Variants in IGSF11 observed in about 807,000 individuals in gnomAD.
The protein encoded by IGSF11 is immunoglobulin superfamily member 11.
IGSF11 carries 22 observed loss-of-function variants against 41.0 expected under a neutral mutation model. The ratio of observed to expected loss-of-function variants is 0.54; its 90% CI spans 0.38 to 0.77. The LOEUF is 0.77. Ranked by LOEUF, IGSF11 falls within the 30% of genes least tolerant of loss-of-function variation. IGSF11 has a pLI of 0.00. For synonymous variants in IGSF11, 219 were observed against 201.3 expected (o/e 1.09, Z -0.74); for missense variants, 444 against 530.8 (o/e 0.84, Z 1.61).
rs1938803660 is a variant in IGSF11, at chr3:118,901,168, T to C, written c.*1352A>G. The C allele has an allele frequency of 1.3e-5, 2 of 152,140 alleles. No homozygotes were observed. The highest frequency in any genetic ancestry group is 4.1e-4 in the South Asian group (2 of 4,824). 9.4% of individuals were successfully genotyped at this position (152,140 alleles called of 1,614,324 possible). A position where few individuals can be genotyped will look rare whatever the true frequency, so the allele number is the denominator to read the frequency against. ...GTGGTTAAGGCAAGACAGTCACTAA[T>C]GCAAGTATGGCCAGATCTACATAGC... On this transcript the variant is annotated 3_prime_UTR_variant, in exon 7 of 7. Transcript: ENST00000393775.
chr3:118,966,328 A>C (rs1289231368), intron 1 of IGSF11, among the ~76,000 whole-genome samples: 1 of 152,172 alleles, frequency 6.6e-6, no homozygotes, highest in Non-Finnish European at 1.5e-5. Context: ...GAAAGCTTAT[A>C]TGTTTTCAGT....
chr3:118,906,751 C>G (rs867165495), intron 4 of IGSF11, among the ~76,000 whole-genome samples: 8 of 152,140 alleles, frequency 5.3e-5, no homozygotes, highest in Admixed American at 2.0e-4. Flanking sequence ...AAATGACTTA[C>G]AGGAATAACT....
At chr3:118,913,609 G>A (rs890379118) in intron 4 of IGSF11, among the ~76,000 whole-genome samples, 1 of 151,906 alleles carries the variant, frequency 6.6e-6, no homozygotes, top group Non-Finnish European at 1.5e-5. Flanking sequence ...ACAAACATGA[G>A]AACAACAACA....
intron 1 of IGSF11, among the ~76,000 whole-genome samples, chr3:118,953,121 C>G (rs1384558507): frequency 6.6e-6 from 1 of 152,128 alleles, no homozygotes; most frequent in Non-Finnish European, 1.5e-5. Flanking sequence ...CACAGCTTAG[C>G]TCCCGCCTGT....
At chr3:118,942,240 C>G (rs1467294095) in intron 1 of IGSF11, among the ~76,000 whole-genome samples, 1 of 152,134 alleles carries the variant, frequency 6.6e-6, no homozygotes, top group Non-Finnish European at 1.5e-5. Context: ...TCCAGGAAAA[C>G]ATCCATAACT....
intron 1 of IGSF11, among the ~76,000 whole-genome samples, chr3:119,050,198 C>A (rs1941558651): frequency 6.6e-6 from 1 of 151,854 alleles, no homozygotes; most frequent in Non-Finnish European, 1.5e-5. Context: ...AAGCTACCAT[C>A]AGAGTGAACA....
At chr3:119,091,538 A>T (rs2107494547) in intron 1 of IGSF11, among the ~76,000 whole-genome samples, 1 of 152,366 alleles carries the variant, frequency 6.6e-6, no homozygotes, top group Middle Eastern at 3.4e-3. Context: ...AAAAGAATGA[A>T]ATAATATCCT....
intron 1 of IGSF11, among the ~76,000 whole-genome samples, chr3:119,043,497 G>A (rs1941200962): frequency 1.3e-5 from 2 of 152,114 alleles, no homozygotes; most frequent in African/African-American, 4.8e-5. Flanking sequence ...CTCCAAAGAA[G>A]GAGGAAATAA....
chr3:118,903,957 T>A (rs1055063495), intron 6 of IGSF11, among the ~76,000 whole-genome samples: 3 of 152,014 alleles, frequency 2.0e-5, no homozygotes. Flanking sequence ...CCCTGAGCAA[T>A]GGGAAAATGC....
At chr3:119,045,422 C>T (rs143500241) in intron 1 of IGSF11, among the ~76,000 whole-genome samples, 1,902 of 152,376 alleles carry the variant, frequency 0.012, 35 homozygotes, top group East Asian at 0.082. Flanking sequence ...CACCCGAATA[C>T]TGCGCTTTTG....
At position 118,901,880 on chromosome 3, in the gene IGSF11, A is replaced by C. The variant is rs920539328; in HGVS notation, c.*640T>G. Reference sequence around the variant, plus strand: ...ATCTGTCAATATAGCAATATTCCACATATGAAATTCATGGTTCAGGAAGAG... The same window carrying C: ...ATCTGTCAATATAGCAATATTCCACCTATGAAATTCATGGTTCAGGAAGAG... On this transcript the variant is annotated 3_prime_UTR_variant, in exon 7 of 7. Transcript: ENST00000393775. The C allele has an allele frequency of 6.6e-6, 1 of 152,232 alleles. No individual in the cohort carries two copies. Among genetic ancestry groups the C allele is most frequent in the Non-Finnish European group, 1.5e-5 (1 of 68,050 alleles). The allele number at this position is 152,232 out of a possible 1,614,324, so 9.4% of individuals were successfully genotyped here.
chr3:118,999,566 A>G (rs953594603), intron 1 of IGSF11, among the ~76,000 whole-genome samples: 5 of 152,164 alleles, frequency 3.3e-5, no homozygotes, highest in Non-Finnish European at 7.4e-5. Context: ...AGCAAACATA[A>G]GGTTCTTGAC....
At chr3:118,967,780 A>G (rs543063871) in intron 1 of IGSF11, among the ~76,000 whole-genome samples, 4 of 152,298 alleles carry the variant, frequency 2.6e-5, no homozygotes, top group Admixed American at 2.0e-4. Context: ...AAGTGAATAC[A>G]TATAGTTGTA....
intron 1 of IGSF11, among the ~76,000 whole-genome samples, chr3:119,089,181 C>A (rs185391843): frequency 9.9e-4 from 150 of 152,136 alleles, no homozygotes; most frequent in African/African-American, 3.6e-3. Flanking sequence ...AAATCCTCAA[C>A]AAAATATTAG....
chr3:119,094,914 C>T (rs1052215972), intron 1 of IGSF11, among the ~76,000 whole-genome samples: 2 of 151,974 alleles, frequency 1.3e-5, no homozygotes, highest in Admixed American at 6.6e-5. Context: ...TCAGATGATC[C>T]AGCCGCCTCG....
chr3:119,055,425 C>G (rs1187532322), intron 1 of IGSF11, among the ~76,000 whole-genome samples: 1 of 152,138 alleles, frequency 6.6e-6, no homozygotes, highest in East Asian at 1.9e-4. Context: ...GCTAACTATC[C>G]TAAATACATA....
chr3:119,066,511 A>G (rs1332098138), intron 1 of IGSF11, among the ~76,000 whole-genome samples: 2 of 152,226 alleles, frequency 1.3e-5, no homozygotes, highest in Non-Finnish European at 2.9e-5. Context: ...TGATTCATAT[A>G]AAGTAGTGTG....
intron 1 of IGSF11, among the ~76,000 whole-genome samples, chr3:118,962,052 G>A (rs779856426): frequency 7.9e-5 from 12 of 152,176 alleles, no homozygotes; most frequent in Non-Finnish European, 1.6e-4. Context: ...TTGTTGGAAA[G>A]ACTTGGAGCT....
chr3:119,076,493 A>C (rs1450455263), intron 1 of IGSF11, among the ~76,000 whole-genome samples: 1 of 152,194 alleles, frequency 6.6e-6, no homozygotes, highest in African/African-American at 2.4e-5. Context: ...AATGGGAGAA[A>C]ATTTTTGCAA....
Sources: allele counts gnomAD v4.1 joint callset (sites outside exome capture counted in the v4.1 genomes callset), GRCh38; gene constraint gnomAD v4.1.1; transcripts MANE v1.5; gene names NCBI Gene and HGNC (gene_info 2026-07-23, HGNC 2026-07-21).